SLFN12: variants seen among roughly 807,000 people sequenced by gnomAD.
The protein encoded by SLFN12 is schlafen family member 12.
Under a neutral mutation model 29.1 loss-of-function variants are expected in SLFN12, and 25 were observed. The observed-to-expected ratio is 0.86, with a 90% CI of 0.63 to 1.20. The LOEUF is 1.20. Among genes scored for constraint, SLFN12 ranks in the 50% most tolerant of loss-of-function variants. SLFN12 has a pLI of 0.00. For synonymous variants in SLFN12, 257 were observed against 238.7 expected (o/e 1.08, Z -0.71); for missense variants, 660 against 666.2 (o/e 0.99, Z 0.10).
In SLFN12 at chr17:35,422,825, A is replaced by G. The variant is rs770829543; in HGVS notation, c.204T>C (p.Tyr68=). ...GTCCTATTCCATCTTTTGTATAACT[A>G]TAGTCTTCATTCTCAATTTCAGCCT... ...VIKAEIENED[Y]SYTKDGIGLD... is the part of the protein sequence containing the mutation. Residue 68 remains tyrosine (Y), a synonymous_variant, in exon 2 of 4, where the codon TAT becomes TAC. Coordinates refer to ENST00000304905, the MANE Select transcript of SLFN12 (RefSeq NM_018042.5). The G allele has an allele frequency of 6.2e-7, 1 of 1,613,940 alleles. No homozygotes were observed. The highest frequency in any genetic ancestry group is 8.5e-7 in the Non-Finnish European group (1 of 1,179,926).
chr17:35,426,784 G>T (rs1912042263), intron 1 of SLFN12, among the ~76,000 whole-genome samples: 1 of 152,108 alleles, frequency 6.6e-6, no homozygotes, highest in African/African-American at 2.4e-5. Flanking sequence ...AAAAGCTTAA[G>T]GTCTTCTCAG....
At chr17:35,423,826 C>G (rs1229993563) in intron 1 of SLFN12, among the ~76,000 whole-genome samples, 1 of 152,106 alleles carries the variant, frequency 6.6e-6, no homozygotes, top group African/African-American at 2.4e-5. Context: ...GAGATTAGTA[C>G]TCTCCTAAAA....
Position 35,411,475 on chromosome 17 carries a change from G to A in SLFN12, c.1600C>T (p.Leu534Phe). 4 of 1,613,906 alleles carry A rather than the reference G, an allele frequency of 2.5e-6. No individual in the cohort carries two copies. In the South Asian group the frequency reaches 4.4e-5, roughly 18 times the overall value. Residue 534 changes from leucine (L) to phenylalanine (F), a missense_variant, in exon 4 of 4, where the codon CTT (leucine) becomes TTT (phenylalanine). Transcript: ENST00000304905. ...FTRRKYLLKA[L>F]FKALKRLKSL... ...TTGAGTCTCTTTAAGGCTTTAAAAA[G>A]GGCTTTCAGCAAGTATTTCCTTCTT...
chr17:35,429,325 C>A (rs1291946141), intron 1 of SLFN12, among the ~76,000 whole-genome samples: 1 of 152,046 alleles, frequency 6.6e-6, no homozygotes, highest in Non-Finnish European at 1.5e-5. Flanking sequence ...ATCCCGGTCA[C>A]CCCAGTCCAA....
chr17:35,421,682 G>A (rs1911661467), intron 2 of SLFN12, among the ~76,000 whole-genome samples: 1 of 151,760 alleles, frequency 6.6e-6, no homozygotes, highest in South Asian at 2.1e-4. Context: ...TGGGACTACA[G>A]GCACGTGCCA....
At chr17:35,423,210 A>C in intron 1 of SLFN12, 142 bp from the exon 2 acceptor site, 11 of 862,478 alleles carry the variant, frequency 1.3e-5, no homozygotes, top group Middle Eastern at 7.6e-4. Flanking sequence ...AGACTGGCAA[A>C]TTTTGAGCTA....
chr17:35,428,719 G>C (rs1399883962), intron 1 of SLFN12, among the ~76,000 whole-genome samples: 1 of 152,104 alleles, frequency 6.6e-6, no homozygotes, highest in African/African-American at 2.4e-5. Context: ...AGTGAAGCCA[G>C]GTAAGCACAA....
At chr17:35,421,265 G>A (rs1911628959) in intron 2 of SLFN12, among the ~76,000 whole-genome samples, 1 of 148,026 alleles carries the variant, frequency 6.8e-6, no homozygotes, top group Non-Finnish European at 1.5e-5. Flanking sequence ...AATAGAAAGG[G>A]GACAAGAAGC....
intron 3 of SLFN12, among the ~76,000 whole-genome samples, chr17:35,413,942 TA>T (rs1351743235): frequency 6.6e-6 from 1 of 151,908 alleles, no homozygotes; most frequent in Admixed American, 6.6e-5. Flanking sequence ...TTCTGTAATT[TA>T]AAAAAACCTC....
Position 35,422,940 on chromosome 17 carries a change from T to G in SLFN12, c.89A>C (p.Lys30Thr). 6.2e-7 allele frequency: 1 copy of G among 1,613,948 alleles called. No homozygotes were observed. Among genetic ancestry groups the G allele is most frequent in the Non-Finnish European group, 8.5e-7 (1 of 1,180,004 alleles). ...RVTLGENSRK[K>T]MKDCKLRKKQ... ...TTTTCTCAGTTTACAATCCTTCATT[T>G]TTTTCCTACTGTTCTCTCCAAGAGT... The change falls in exon 2 of 4, where the codon AAA (lysine) becomes ACA (threonine). Residue 30 changes from lysine (K) to threonine (T), a missense_variant. Physicochemically the swap from Lys to Thr is moderately conservative, Grantham distance 78 (BLOSUM62 -1). Coordinates refer to ENST00000304905, the MANE Select transcript of SLFN12 (RefSeq NM_018042.5).
At chr17:35,418,192 G>A (rs560242113) in intron 3 of SLFN12, among the ~76,000 whole-genome samples, 6 of 150,028 alleles carry the variant, frequency 4.0e-5, no homozygotes, top group South Asian at 2.3e-4. Context: ...ACCAGATATC[G>A]ATACTTAGTA....
chr17:35,412,050 A>G, intron 3 of SLFN12, 123 bp from the exon 4 acceptor site: 1 of 676,244 alleles, frequency 1.5e-6, no homozygotes, highest in Non-Finnish European at 2.3e-6. Flanking sequence ...TGTATAAAAT[A>G]TATTCAAACA....
intron 3 of SLFN12, among the ~76,000 whole-genome samples, chr17:35,413,500 C>A (rs1269169331): frequency 6.6e-6 from 1 of 152,088 alleles, no homozygotes; most frequent in African/African-American, 2.4e-5. Context: ...GTAATCCCAG[C>A]ACTTTGGGAG....
intron 3 of SLFN12, among the ~76,000 whole-genome samples, chr17:35,418,966 CA>C (rs1302327747): frequency 2.0e-5 from 3 of 152,156 alleles, no homozygotes; most frequent in Admixed American, 6.5e-5. Context: ...CTCCTGGATT[CA>C]AATGATTCTT....
chr17:35,423,163 T>C, intron 1 of SLFN12, 95 bp from the exon 2 acceptor site: 2 of 1,358,428 alleles, frequency 1.5e-6, no homozygotes, highest in Non-Finnish European at 2.0e-6. Flanking sequence ...CTGTGCTGTA[T>C]ATATTCTACT....
intron 3 of SLFN12, among the ~76,000 whole-genome samples, chr17:35,415,746 G>A (rs1911275887): frequency 6.6e-6 from 1 of 152,020 alleles, no homozygotes; most frequent in South Asian, 2.1e-4. Context: ...AATGGCCAAT[G>A]AACATGAAAA....
intron 3 of SLFN12, 58 bp from the exon 4 acceptor site, chr17:35,411,985 C>A (rs1282286619): frequency 2.3e-6 from 3 of 1,331,700 alleles, no homozygotes; most frequent in Non-Finnish European, 3.0e-6. Context: ...CCATTTAAGC[C>A]ATGGCAAAGT....
chr17:35,419,951 T>C (rs2142038090), intron 3 of SLFN12, among the ~76,000 whole-genome samples: 3 of 152,300 alleles, frequency 2.0e-5, no homozygotes, highest in Admixed American at 2.0e-4. Context: ...CTTCAGTAAC[T>C]GAACATAGCT....
chr17:35,423,216 A>G (rs528563109), intron 1 of SLFN12, 148 bp from the exon 2 acceptor site: 48 of 777,286 alleles, frequency 6.2e-5, no homozygotes, highest in Non-Finnish European at 8.5e-5. Flanking sequence ...GCAAATTTTG[A>G]GCTAAGACCG....
Sources: gnomAD v4.1 joint callset for allele counts (sites outside exome capture counted in the v4.1 genomes callset) on GRCh38, gnomAD v4.1.1 for gene constraint, MANE v1.5 for transcripts, NCBI Gene and HGNC (gene_info 2026-07-23, HGNC 2026-07-21) for gene names.